The following DPP6 variants were observed in gnomAD, a reference collection of about 807,000 sequenced individuals.
The protein encoded by DPP6 is A-type potassium channel modulatory protein DPP6.
In DPP6, 69 loss-of-function variants were observed where a neutral mutation model predicts 122.6. That is an observed-to-expected ratio of 0.56 (90% CI 0.46 to 0.69). The LOEUF (loss-of-function observed/expected upper bound fraction) is 0.69. DPP6 is among the 30% of genes least tolerant of loss of function. The pLI, the probability that DPP6 is intolerant of heterozygous loss-of-function variation, is 0.00. For synonymous variants in DPP6, 418 were observed against 433.1 expected (o/e 0.97, Z 0.43); for missense variants, 928 against 1,116.9 (o/e 0.83, Z 2.41).
intron 1 of DPP6, among the ~76,000 whole-genome samples, chr7:154,364,006 T>A (rs1464600259): frequency 4.0e-5 from 6 of 151,866 alleles, no homozygotes; most frequent in Non-Finnish European, 7.4e-5. Context: ...CGGTGGGGAG[T>A]GTGTTGTCTG....
rs372465221 is a variant in DPP6, at chr7:154,023,320, A to ACG, written c.51+135587_51+135588insGC. 6.8e-3 allele frequency among the ~76,000 whole-genome samples: 866 copies of ACG among 127,602 alleles called. 19 individuals carry two copies. The highest frequency in any genetic ancestry group is 0.023 in the African/African-American group (710 of 31,210). The allele number at this position is 127,602 out of a possible 152,430, so 83.7% of individuals were successfully genotyped here. A position where few individuals can be genotyped will look rare whatever the true frequency, so the allele number is the denominator to read the frequency against. On this transcript the variant is annotated intron_variant, in intron 1 of 25. Transcript: ENST00000404039. ...GGCTCTGGAAATGTTTCTTGTCTGCACACACACACACACACACACACACAC... is the reference window on the plus strand; with the variant it reads ...GGCTCTGGAAATGTTTCTTGTCTGCACGCACACACACACACACACACACACAC...
chr7:153,945,913 T>C (rs1438117197), intron 1 of DPP6, among the ~76,000 whole-genome samples: 1 of 152,178 alleles, frequency 6.6e-6, no homozygotes, highest in Non-Finnish European at 1.5e-5. Context: ...TGATTTTCAA[T>C]CAGTTGATCA....
At chr7:154,482,174 A>G (rs1823364932) in intron 3 of DPP6, among the ~76,000 whole-genome samples, 1 of 152,190 alleles carries the variant, frequency 6.6e-6, no homozygotes. Context: ...AACCAACGCA[A>G]AGGTCTTGGT....
chr7:153,866,435 T>A, the DPP6 span, among the ~76,000 whole-genome samples: 20 of 152,306 alleles, frequency 1.3e-4, 1 homozygote, highest in South Asian at 4.1e-3. Context: ...GTGTTTTTTG[T>A]CTGCATAAAT....
chr7:154,417,895 A>T (rs934180761), intron 1 of DPP6, among the ~76,000 whole-genome samples: 1 of 152,198 alleles, frequency 6.6e-6, no homozygotes, highest in Admixed American at 6.5e-5. Context: ...TGTTTTGCCA[A>T]AGGGCCATTA....
intron 1 of DPP6, among the ~76,000 whole-genome samples, chr7:154,063,452 C>G (rs1216156473): frequency 7.5e-6 from 1 of 133,704 alleles, no homozygotes; most frequent in Non-Finnish European, 1.6e-5. Context: ...GGGGGAGGCA[C>G]CTCCCGCGAG....
chr7:154,658,746 T>C (rs553793063), intron 6 of DPP6, among the ~76,000 whole-genome samples: 9 of 151,918 alleles, frequency 5.9e-5, no homozygotes, highest in Non-Finnish European at 1.2e-4. Flanking sequence ...ACAAGAGAGA[T>C]GTAAGGAGAG....
chr7:154,585,124 T>C (rs200820940), intron 5 of DPP6, among the ~76,000 whole-genome samples: 1 of 152,150 alleles, frequency 6.6e-6, no homozygotes, highest in Non-Finnish European at 1.5e-5. Context: ...GTCTACAGTC[T>C]TGTAGTTTAG....
At chr7:154,784,203 G>T (rs1797198709) in intron 10 of DPP6, among the ~76,000 whole-genome samples, 1 of 152,048 alleles carries the variant, frequency 6.6e-6, no homozygotes, top group South Asian at 2.1e-4. Flanking sequence ...CTCTGGGGAG[G>T]GAATTGAGCT....
intron 1 of DPP6, among the ~76,000 whole-genome samples, chr7:154,371,618 A>G (rs779155822): frequency 6.6e-6 from 1 of 151,986 alleles, no homozygotes; most frequent in Non-Finnish European, 1.5e-5. Context: ...TCCTGAATGC[A>G]CACGTCTGTG....
At chr7:154,720,336 G>A (rs565591981) in intron 7 of DPP6, among the ~76,000 whole-genome samples, 6 of 152,334 alleles carry the variant, frequency 3.9e-5, no homozygotes, top group African/African-American at 1.4e-4. Flanking sequence ...GGAAAAGCCT[G>A]CGAGTGTCCC....
Position 154,144,853 on chromosome 7 carries a change from C to T in DPP6, c.243+91790C>T, listed in dbSNP as rs568626856. 5.2e-3 allele frequency among the ~76,000 whole-genome samples: 788 copies of T among 151,010 alleles called. 4 individuals are homozygous for T. Among genetic ancestry groups the T allele is most frequent in the African/African-American group, 0.018 (728 of 41,200 alleles). On this transcript the variant is annotated intron_variant, in intron 1 of 25. Coordinates refer to ENST00000377770, the MANE Select transcript of DPP6 (RefSeq NM_130797.4). ...GGTGAGGAGAAGGCTGTCTGCAAAC[C>T]GGGAAGAGAGCCCTCACCAGAAAAC...
chr7:154,669,456 T>C lies in DPP6; in HGVS notation c.762+15T>C. On this transcript the variant is annotated intron_variant, in intron 7 of 25. Coordinates refer to ENST00000377770, the MANE Select transcript of DPP6 (RefSeq NM_130797.4). Reference sequence around the variant, plus strand: ...GCCAACAGCTGGTAAGCCAATCAAGTTCAGTAACTATACTTGGGTTTTGAG... The same window carrying C: ...GCCAACAGCTGGTAAGCCAATCAAGCTCAGTAACTATACTTGGGTTTTGAG... The C allele has an allele frequency of 1.3e-6, 2 of 1,550,916 alleles. No individual in the cohort carries two copies. Among genetic ancestry groups the C allele is most frequent in the Non-Finnish European group, 1.7e-6 (2 of 1,147,042 alleles).
At chr7:154,887,913 T>G (rs1198965064) in intron 23 of DPP6, among the ~76,000 whole-genome samples, 179 bp downstream of exon 23, 2 of 152,088 alleles carry the variant, frequency 1.3e-5, no homozygotes, top group Non-Finnish European at 2.9e-5. Context: ...TGGATTGAGG[T>G]TAACATGGCC....
At chr7:154,471,709 C>T (rs1380564197) in intron 2 of DPP6, among the ~76,000 whole-genome samples, 1 of 152,062 alleles carries the variant, frequency 6.6e-6, no homozygotes, top group Non-Finnish European at 1.5e-5. Flanking sequence ...AAAACATCCC[C>T]CCATAAAGCA....
chr7:154,114,431 T>A (rs1031443246), intron 1 of DPP6, among the ~76,000 whole-genome samples: 3 of 152,164 alleles, frequency 2.0e-5, no homozygotes, highest in African/African-American at 4.8e-5. Context: ...TTCCAAGTCC[T>A]GAGCTTGACA....
rs542282077 is a variant in DPP6 at position 154,335,400 on chromosome 7, G to C, written c.244-110814G>C. The stretch of plus-strand genomic sequence containing the variant: ...ACCTAACAAATACCTAACAAATATT[G>C]ATATTTTGCCACTTATGGGTTGTAT... On this transcript the variant is annotated intron_variant, in intron 1 of 25. Coordinates refer to ENST00000377770, the MANE Select transcript of DPP6 (RefSeq NM_130797.4). Among the ~76,000 whole-genome samples the C allele has an allele frequency of 1.1e-4, 17 of 152,264 alleles. 1 individual carries two copies. In the South Asian group the frequency reaches 2.7e-3, roughly 24 times the overall value.
chr7:154,779,528 C>T (rs1796901391), intron 10 of DPP6, among the ~76,000 whole-genome samples: 1 of 152,200 alleles, frequency 6.6e-6, no homozygotes, highest in Non-Finnish European at 1.5e-5. Flanking sequence ...AGTAGTAGAA[C>T]CAGGACTTGA....
At chr7:154,527,076 T>C (rs1271079703) in intron 3 of DPP6, among the ~76,000 whole-genome samples, 3 of 152,258 alleles carry the variant, frequency 2.0e-5, no homozygotes, top group Non-Finnish European at 4.4e-5. Flanking sequence ...TTAAAACTTC[T>C]TGAACTGTAA....
Sources: gnomAD v4.1 joint callset for allele counts (sites outside exome capture counted in the v4.1 genomes callset) on GRCh38, gnomAD v4.1.1 for gene constraint, MANE v1.5 for transcripts, NCBI Gene and HGNC (gene_info 2026-07-23, HGNC 2026-07-21) for gene names.